Variants in DEPDC1B observed in about 807,000 individuals in gnomAD.
The protein encoded by DEPDC1B is DEP domain-containing protein 1B.
DEPDC1B carries 51 observed loss-of-function variants against 66.5 expected under a neutral mutation model. The ratio of observed to expected loss-of-function variants is 0.77; its 90% CI spans 0.61 to 0.97. The LOEUF (loss-of-function observed/expected upper bound fraction) is 0.97. Among genes scored for constraint, DEPDC1B ranks in the 50% least tolerant of loss-of-function variants. DEPDC1B has a pLI of 0.00. For missense variants in DEPDC1B, 552 were observed against 637.1 expected (o/e 0.87, Z 1.44); for synonymous variants, 226 against 223.6 (o/e 1.01, Z -0.10).
At chr5:60,630,168 C>T (rs954569512) in intron 7 of DEPDC1B, among the ~76,000 whole-genome samples, 4 of 152,014 alleles carry the variant, frequency 2.6e-5, no homozygotes, top group African/African-American at 9.7e-5. Flanking sequence ...TATGAATATC[C>T]AGTTTTCTCA....
intron 1 of DEPDC1B, among the ~76,000 whole-genome samples, chr5:60,693,784 T>A (rs1327725612): frequency 6.6e-6 from 1 of 152,138 alleles, no homozygotes; most frequent in Non-Finnish European, 1.5e-5. Flanking sequence ...TTGATTTTTT[T>A]AATACATGCC....
chr5:60,689,604 C>T (rs1754497916), intron 1 of DEPDC1B, among the ~76,000 whole-genome samples: 1 of 151,972 alleles, frequency 6.6e-6, no homozygotes, highest in South Asian at 2.1e-4. Flanking sequence ...GTCTCATCTC[C>T]ATATTGTTTT....
At position 60,676,592 on chromosome 5, in the gene DEPDC1B, T is replaced by C. The variant is rs575520350; in HGVS notation, c.314+10370A>G. 4.6e-5 allele frequency among the ~76,000 whole-genome samples: 7 copies of C among 152,292 alleles called. No individual in the cohort carries two copies. The South Asian group carries it at 1.2e-3, about 27-fold the overall frequency. ...TTCTGTTCCAGCCGGGTCATCCTCC[T>C]CCCTTTTCTCCCAGGAAGCTTATTT... On this transcript the variant is annotated intron_variant, in intron 2 of 10. Transcript: ENST00000265036.
At chr5:60,660,226 G>A (rs966047953) in intron 2 of DEPDC1B, among the ~76,000 whole-genome samples, 6 of 149,736 alleles carry the variant, frequency 4.0e-5, no homozygotes, top group African/African-American at 1.5e-4. Context: ...AGCGAGGAGA[G>A]AGAGAGACAG....
intron 2 of DEPDC1B, among the ~76,000 whole-genome samples, chr5:60,660,466 T>C (rs1409907892): frequency 6.6e-6 from 1 of 152,202 alleles, no homozygotes; most frequent in Non-Finnish European, 1.5e-5. Flanking sequence ...CACTTTGTTG[T>C]CAGTATAAAC....
At chr5:60,647,328 A>C in intron 3 of DEPDC1B, 70 bp downstream of exon 3, 1 of 1,500,554 alleles carries the variant, frequency 6.7e-7, no homozygotes, top group South Asian at 1.4e-5. Context: ...CCACAGAAAG[A>C]CCAAGCCTAG....
chr5:60,634,730 T>C (rs1051164689), intron 7 of DEPDC1B, among the ~76,000 whole-genome samples: 4 of 151,222 alleles, frequency 2.6e-5, no homozygotes, highest in Non-Finnish European at 4.4e-5. Context: ...AAATAGCTTG[T>C]GTATTTAGTT....
intron 2 of DEPDC1B, among the ~76,000 whole-genome samples, chr5:60,674,331 A>G (rs1584092107): frequency 6.6e-6 from 1 of 152,356 alleles, no homozygotes; most frequent in East Asian, 1.9e-4. Context: ...ATCAATAACC[A>G]GGAATTACCT....
At chr5:60,605,634 T>G in intron 8 of DEPDC1B, 56 bp downstream of exon 8, 3 of 1,578,118 alleles carry the variant, frequency 1.9e-6, no homozygotes, top group Non-Finnish European at 2.6e-6. Flanking sequence ...CTAATACACC[T>G]TACTCAGTCG....
chr5:60,679,139 T>C (rs1050222126), intron 2 of DEPDC1B, among the ~76,000 whole-genome samples: 2 of 152,204 alleles, frequency 1.3e-5, no homozygotes, highest in African/African-American at 4.8e-5. Context: ...TCCAACATAA[T>C]TTGCTGAAAA....
At chr5:60,653,962 A>C (rs1422062995) in intron 2 of DEPDC1B, among the ~76,000 whole-genome samples, 6 of 149,054 alleles carry the variant, frequency 4.0e-5, no homozygotes, top group Non-Finnish European at 8.8e-5. Flanking sequence ...CCATTGCTCT[A>C]TGTGCCTATT....
At chr5:60,624,550 C>A (rs539147190) in intron 7 of DEPDC1B, among the ~76,000 whole-genome samples, 2 of 152,234 alleles carry the variant, frequency 1.3e-5, no homozygotes, top group South Asian at 2.1e-4. Context: ...TCTGAAAGGA[C>A]TTTCATACAA....
At chr5:60,643,540 G>A (rs16878304) in intron 5 of DEPDC1B, among the ~76,000 whole-genome samples, 11,027 of 152,260 alleles carry the variant, frequency 0.072, 943 homozygotes, top group African/African-American at 0.21. Flanking sequence ...GTAAAACTGC[G>A]AAGACACTTG....
At chr5:60,658,765 G>T (rs1034448429) in intron 2 of DEPDC1B, among the ~76,000 whole-genome samples, 2 of 152,112 alleles carry the variant, frequency 1.3e-5, no homozygotes, top group Non-Finnish European at 2.9e-5. Flanking sequence ...ACCCCCTTAG[G>T]GTCCCCTCCC....
chr5:60,667,596 G>C (rs547335651), intron 2 of DEPDC1B, among the ~76,000 whole-genome samples: 1 of 140,494 alleles, frequency 7.1e-6, no homozygotes, highest in Non-Finnish European at 1.5e-5. Context: ...ATATAAAAAT[G>C]GATATTTTAC....
Position 60,687,121 on chromosome 5 carries a change from C to G in DEPDC1B, c.155G>C (p.Trp52Ser). ...HCFTAAEAVD[W>S]LHELLRCSQN... ...ACTGCACCTCAGCAGCTCATGCAGCCAATCCACAGCTTCGGCCGCTGTGAA... is the reference window on the plus strand; with the variant it reads ...ACTGCACCTCAGCAGCTCATGCAGCGAATCCACAGCTTCGGCCGCTGTGAA... The change falls in exon 2 of 11, where the codon TGG becomes TCG. Residue 52 changes from tryptophan to serine, a missense_variant. Physicochemically the swap from Trp to Ser is radical, Grantham distance 177. Transcript: ENST00000265036. The G allele has an allele frequency of 2.5e-6, 4 of 1,614,182 alleles. No individual in the cohort carries two copies. The highest frequency in any genetic ancestry group is 3.4e-6 in the Non-Finnish European group (4 of 1,180,036).
chr5:60,675,458 AC>A (rs1236827351), intron 2 of DEPDC1B, among the ~76,000 whole-genome samples: 13 of 152,066 alleles, frequency 8.5e-5, no homozygotes, highest in Non-Finnish European at 1.6e-4. Context: ...AGACTTAGAC[AC>A]CCACTAAACA....
chr5:60,634,742 C>T (rs1248213359), intron 7 of DEPDC1B, among the ~76,000 whole-genome samples: 1 of 151,704 alleles, frequency 6.6e-6, no homozygotes, highest in African/African-American at 2.4e-5. Flanking sequence ...TATTTAGTTA[C>T]AGCCAGGTAA....
chr5:60,617,656 C>A (rs895272902), intron 7 of DEPDC1B, among the ~76,000 whole-genome samples: 2 of 152,280 alleles, frequency 1.3e-5, no homozygotes, highest in African/African-American at 4.8e-5. Context: ...TAGAGACCTA[C>A]TAAGAGACGT....
Sources: gnomAD v4.1 joint callset for allele counts (sites outside exome capture counted in the v4.1 genomes callset) on GRCh38, gnomAD v4.1.1 for gene constraint, MANE v1.5 for transcripts, NCBI Gene and HGNC (gene_info 2026-07-23, HGNC 2026-07-21) for gene names.